The following ZKSCAN5 variants were observed in gnomAD, a reference collection of about 807,000 sequenced individuals.
ZKSCAN5 encodes zinc finger with KRAB and SCAN domains 5, also known as zinc finger protein with KRAB and SCAN domains 5.
In ZKSCAN5, 28 loss-of-function variants were observed where a neutral mutation model predicts 60.0. The observed-to-expected ratio is 0.47, with a 90% CI of 0.35 to 0.64. ZKSCAN5 has a LOEUF of 0.64. Ranked by LOEUF, ZKSCAN5 falls within the 30% of genes least tolerant of loss-of-function variation. ZKSCAN5 has a pLI of 0.01. For missense variants in ZKSCAN5, 881 were observed against 1,034.6 expected (o/e 0.85, Z 2.04); for synonymous variants, 361 against 371.2 (o/e 0.97, Z 0.31).
intron 2 of ZKSCAN5, among the ~76,000 whole-genome samples, chr7:99,511,858 C>T (rs939030069): frequency 2.0e-5 from 3 of 151,934 alleles, no homozygotes; most frequent in Non-Finnish European, 4.4e-5. Flanking sequence ...GGCGCAATCT[C>T]GGCTCACTGC....
intron 2 of ZKSCAN5, among the ~76,000 whole-genome samples, chr7:99,507,755 A>C (rs1424386512): frequency 6.6e-6 from 1 of 151,424 alleles, no homozygotes; most frequent in Non-Finnish European, 1.5e-5. Flanking sequence ...CCAAACAAAA[A>C]ATTAGCTGGG....
At chr7:99,518,597 T>C (rs1215590657) in intron 3 of ZKSCAN5, among the ~76,000 whole-genome samples, 1 of 151,918 alleles carries the variant, frequency 6.6e-6, no homozygotes, top group Non-Finnish European at 1.5e-5. Flanking sequence ...AATGCTTCAG[T>C]TTCATGGAAG....
chr7:99,519,714 T>G (rs1801432621), intron 3 of ZKSCAN5, 113 bp from the exon 4 acceptor site: 2 of 920,988 alleles, frequency 2.2e-6, no homozygotes, highest in Admixed American at 4.4e-5. Context: ...GCAGAAGAAT[T>G]TGGCCTCGGC....
At position 99,531,527 on chromosome 7, in the gene ZKSCAN5, A is replaced by G. The variant is rs142661399; in HGVS notation, c.1798A>G (p.Thr600Ala). 1 of 1,614,188 alleles carries G rather than the reference A, an allele frequency of 6.2e-7. No individual in the cohort carries two copies. The highest frequency in any genetic ancestry group is 8.5e-7 in the Non-Finnish European group (1 of 1,180,036). ...VHLTQHQRVH[T>A]GEKPYTCPLC... ...CCTAACTCAGCATCAGCGCGTCCAC[A>G]CAGGTGAGAAGCCCTACACCTGTCC... Residue 600 changes from threonine (T) to alanine (A), a missense_variant, in exon 7 of 7, where the codon ACA (threonine) becomes GCA (alanine). By Grantham distance (58) the Thr-to-Ala change is moderately conservative (BLOSUM62 0). Transcript: ENST00000326775.
At chr7:99,531,005 C>T (rs1018685480) in intron 6 of ZKSCAN5, 103 bp from the exon 7 acceptor site, 35 of 1,072,244 alleles carry the variant, frequency 3.3e-5, no homozygotes, top group East Asian at 9.9e-5. Context: ...TGCAGTGAGC[C>T]GAGATCGCAT....
chr7:99,506,417 A>G lies in ZKSCAN5; in HGVS notation c.373A>G (p.Ile125Val). Reference sequence around the variant, plus strand: ...AAGTGGAGAAGAGGCGGTGGCCGTGATAGAAAATATACAGCGAGAACTTGA... The same window carrying G: ...AAGTGGAGAAGAGGCGGTGGCCGTGGTAGAAAATATACAGCGAGAACTTGA... ...PESGEEAVAVIENIQRELEER... is the reference protein window; with the variant it reads ...PESGEEAVAVVENIQRELEER... The change falls in exon 2 of 7, where the codon ATA becomes GTA. Residue 125 changes from isoleucine to valine, a missense_variant. Transcript: ENST00000326775. 6.2e-7 allele frequency: 1 copy of G among 1,614,010 alleles called. No homozygotes were observed. Among genetic ancestry groups the G allele is most frequent in the African/African-American group, 1.3e-5 (1 of 75,052 alleles).
At chr7:99,509,280 G>A (rs540509777) in intron 2 of ZKSCAN5, among the ~76,000 whole-genome samples, 51 of 151,966 alleles carry the variant, frequency 3.4e-4, no homozygotes, top group Non-Finnish European at 5.1e-4. Context: ...TAAGCCACAT[G>A]CCCGGCTTAA....
chr7:99,520,401 T>C (rs1801478850), intron 5 of ZKSCAN5, 97 bp downstream of exon 5: 1 of 1,424,578 alleles, frequency 7.0e-7, no homozygotes, highest in Non-Finnish European at 9.4e-7. Context: ...TTATGTTTTA[T>C]GTGCTATGAC....
Position 99,526,330 on chromosome 7 carries a change from T to C in ZKSCAN5, c.1290T>C (p.Tyr430=), listed in dbSNP as rs1211602213. ...GTGTCCACAGCGGAGAGAGGCCCTA[T>C]GGCTGCAATGAGTGTGGGAAGAACT... The part of the protein sequence containing the change: ...HHSVHSGERP[Y]GCNECGKNFG... Residue 430 remains tyrosine, a synonymous_variant, in exon 6 of 7, where the codon TAT becomes TAC. Transcript: ENST00000326775. 2 of 1,609,602 alleles carry C rather than the reference T, an allele frequency of 1.2e-6. No individual in the cohort carries two copies. The highest frequency in any genetic ancestry group is 2.2e-5 in the East Asian group (1 of 44,890).
chr7:99,511,102 A>C (rs1174944916), intron 2 of ZKSCAN5, among the ~76,000 whole-genome samples: 1 of 152,206 alleles, frequency 6.6e-6, no homozygotes, highest in South Asian at 2.1e-4. Flanking sequence ...GGAGGATTCG[A>C]AAAAAAAGTG....
At chr7:99,517,539 G>C (rs1801318319) in intron 3 of ZKSCAN5, among the ~76,000 whole-genome samples, 1 of 152,160 alleles carries the variant, frequency 6.6e-6, no homozygotes, top group Non-Finnish European at 1.5e-5. Context: ...AAATTAGTCA[G>C]GCATGGTGGC....
In ZKSCAN5 at chr7:99,520,201, G is replaced by A. The variant is rs780738812; in HGVS notation, c.669G>A (p.Val223=). 7 of 1,613,820 alleles carry A rather than the reference G, an allele frequency of 4.3e-6. No homozygotes were observed. Among genetic ancestry groups the A allele is most frequent in the Non-Finnish European group, 5.9e-6 (7 of 1,179,980 alleles). Residue 223 remains valine (V), a synonymous_variant, in exon 5 of 7, where the codon GTG becomes GTA. Transcript: ENST00000326775. ...TGAAAATTGAAGAGGTGGCTGATGT[G>A]GCTGTATCCTTCATCCTGGAGGAAT... The part of the protein sequence containing the change: ...KLVKIEEVAD[V]AVSFILEEWG...
In ZKSCAN5 at chr7:99,506,431, G is replaced by T; in HGVS notation, c.387G>T (p.Gln129His). 6.2e-7 allele frequency: 1 copy of T among 1,613,012 alleles called. No homozygotes were observed. The highest frequency in any genetic ancestry group is 1.1e-5 in the South Asian group (1 of 91,052). ...CGGTGGCCGTGATAGAAAATATACA[G>T]CGAGAACTTGAGGAACGCAGACAGC... is the stretch of plus-strand genomic sequence containing the variant. ...EEAVAVIENI[Q>H]RELEERRQQI... Residue 129 changes from glutamine (Q) to histidine (H), a missense_variant, in exon 2 of 7, where the codon CAG becomes CAT. By Grantham distance (24) the Gln-to-His change is conservative. Transcript: ENST00000326775.
intron 6 of ZKSCAN5, among the ~76,000 whole-genome samples, chr7:99,528,675 C>A (rs1479465724): frequency 6.6e-6 from 1 of 152,162 alleles, no homozygotes; most frequent in Non-Finnish European, 1.5e-5. Context: ...GATCCTCCAG[C>A]CTTGGCCTCC....
chr7:99,520,187 G>A lies in ZKSCAN5; in HGVS notation c.655G>A (p.Glu219Lys), dbSNP rs762010049. 3 of 1,612,840 alleles carry A rather than the reference G, an allele frequency of 1.9e-6. No homozygotes were observed. Among genetic ancestry groups the A allele is most frequent in the Admixed American group, 3.4e-5 (2 of 59,518 alleles). The part of the protein sequence containing the change: ...TGSQKLVKIE[E>K]VADVAVSFIL... ...GTTTCAGAAGTTGGTGAAAATTGAA[G>A]AGGTGGCTGATGTGGCTGTATCCTT... is the stretch of plus-strand genomic sequence containing the variant. Residue 219 changes from glutamate (E) to lysine (K), a missense_variant, in exon 5 of 7, where the codon GAG (glutamate) becomes AAG (lysine). Around this residue, in one of 5 missense-constraint regions of ZKSCAN5, gnomAD observed 490 missense variants for 554.5 expected, o/e 0.88. Transcript: ENST00000326775.
At chr7:99,510,690 C>A (rs1197491783) in intron 2 of ZKSCAN5, among the ~76,000 whole-genome samples, 1 of 152,080 alleles carries the variant, frequency 6.6e-6, no homozygotes, top group East Asian at 1.9e-4. Context: ...GTGATCTGCC[C>A]GCCTCGGCCC....
intron 5 of ZKSCAN5, among the ~76,000 whole-genome samples, chr7:99,525,026 C>T (rs948086156): frequency 1.1e-4 from 16 of 151,790 alleles, no homozygotes; most frequent in Admixed American, 5.3e-4. Flanking sequence ...ATTAGCTGGG[C>T]GTGGTGATGT....
At chr7:99,506,890 G>T (rs1296412352) in intron 2 of ZKSCAN5, among the ~76,000 whole-genome samples, 76 of 150,020 alleles carry the variant, frequency 5.1e-4, no homozygotes, top group Admixed American at 6.7e-4. Flanking sequence ...TAGAGACGGG[G>T]TTTCACCGTG....
chr7:99,509,719 G>T (rs1252913735), intron 2 of ZKSCAN5, among the ~76,000 whole-genome samples: 1 of 152,126 alleles, frequency 6.6e-6, no homozygotes, highest in Admixed American at 6.6e-5. Flanking sequence ...GCCCACCTCG[G>T]CCTCCCAAAG....
Sources: gnomAD v4.1 joint callset for allele counts (sites outside exome capture counted in the v4.1 genomes callset) on GRCh38, gnomAD v4.1.1 for gene constraint, gnomAD v4.1.1 regional missense constraint, MANE v1.5 for transcripts, NCBI Gene and HGNC (gene_info 2026-07-23, HGNC 2026-07-21) for gene names.